ZNF804A: variants seen among roughly 807,000 people sequenced by gnomAD.
ZNF804A encodes zinc finger protein 804A.
ZNF804A carries 2 observed loss-of-function variants against 16.5 expected under a neutral mutation model. That is an observed-to-expected ratio of 0.12 (90% CI 0.05 to 0.38). The LOEUF (loss-of-function observed/expected upper bound fraction) is 0.38. Among genes scored for constraint, ZNF804A ranks in the 10% least tolerant of loss-of-function variants. ZNF804A has a pLI of 0.99. For missense variants in ZNF804A, 1,473 were observed against 1,390.7 expected (o/e 1.06, Z -0.94); for synonymous variants, 534 against 489.6 (o/e 1.09, Z -1.20).
intron 1 of ZNF804A, among the ~76,000 whole-genome samples, chr2:184,820,594 G>T (rs1427313635): frequency 6.6e-6 from 1 of 152,012 alleles, no homozygotes; most frequent in Non-Finnish European, 1.5e-5. Context: ...AAGAAATAAA[G>T]CATGTTCAAA....
At chr2:184,695,037 C>T (rs1692804297) in intron 1 of ZNF804A, among the ~76,000 whole-genome samples, 1 of 152,206 alleles carries the variant, frequency 6.6e-6, no homozygotes, top group African/African-American at 2.4e-5. Flanking sequence ...GGGAAATAAC[C>T]TGGATGGGCG....
intron 1 of ZNF804A, among the ~76,000 whole-genome samples, chr2:184,688,073 C>T (rs1430199362): frequency 6.6e-6 from 1 of 152,116 alleles, no homozygotes; most frequent in African/African-American, 2.4e-5. Flanking sequence ...GAGCCGAAAT[C>T]GTACCACTGC....
At chr2:184,615,449 A>C (rs995884460) in intron 1 of ZNF804A, among the ~76,000 whole-genome samples, 53 of 152,212 alleles carry the variant, frequency 3.5e-4, no homozygotes, top group Non-Finnish European at 3.8e-4. Flanking sequence ...TCCTGGCATT[A>C]TTAATAATGA....
chr2:184,613,046 G>A (rs1166155625), intron 1 of ZNF804A, among the ~76,000 whole-genome samples: 1 of 152,208 alleles, frequency 6.6e-6, no homozygotes, highest in Non-Finnish European at 1.5e-5. Flanking sequence ...GATGTTGTAT[G>A]AACAATTATT....
At chr2:184,892,870 G>A (rs369210232) in intron 2 of ZNF804A, among the ~76,000 whole-genome samples, 3 of 151,886 alleles carry the variant, frequency 2.0e-5, no homozygotes, top group Admixed American at 2.0e-4. Flanking sequence ...AATTCTGCCT[G>A]GTTGTATTTA....
chr2:184,604,464 C>T lies in ZNF804A; in HGVS notation c.111+5394C>T, dbSNP rs1691109291. ...CTGGGATTACAGGCGTGAGCCACCG[C>T]GCTCGGCCACATTTTTAATGAAAAT... On this transcript the variant is annotated intron_variant, in intron 1 of 3. Transcript: ENST00000302277. Among the ~76,000 whole-genome samples the T allele has an allele frequency of 2.6e-5, 4 of 151,962 alleles. 1 individual carries two copies. In the South Asian group the frequency reaches 6.2e-4, roughly 24 times the overall value.
At chr2:184,753,498 C>G (rs1693908016) in intron 1 of ZNF804A, among the ~76,000 whole-genome samples, 1 of 151,700 alleles carries the variant, frequency 6.6e-6, no homozygotes, top group Non-Finnish European at 1.5e-5. Context: ...TCAAAAACAG[C>G]TAAATATTAA....
At chr2:184,685,852 C>T (rs996585198) in intron 1 of ZNF804A, among the ~76,000 whole-genome samples, 3 of 152,172 alleles carry the variant, frequency 2.0e-5, no homozygotes, top group African/African-American at 7.2e-5. Context: ...ACCTGTCTAC[C>T]CTCCACCATC....
At chr2:184,905,767 G>C (rs1026838450) in intron 2 of ZNF804A, among the ~76,000 whole-genome samples, 2 of 152,034 alleles carry the variant, frequency 1.3e-5, no homozygotes, top group African/African-American at 4.8e-5. Context: ...TAGAGAAAAT[G>C]GTCACCTCTA....
rs146654119 is a variant in ZNF804A at position 184,724,160 on chromosome 2, T to C, written c.111+125090T>C. Among the ~76,000 whole-genome samples, 33 of 151,832 alleles carry C rather than the reference T, an allele frequency of 2.2e-4. No individual in the cohort carries two copies. In the East Asian group the frequency reaches 5.8e-3, roughly 27 times the overall value. ...GCTATGCACCAGGAAAAGGCCATTG[T>C]AATCCTGCTTCAAGCAGCTGGTAGT... On this transcript the variant is annotated intron_variant, in intron 1 of 3. Transcript: ENST00000302277.
intron 1 of ZNF804A, among the ~76,000 whole-genome samples, chr2:184,620,551 C>T (rs1691401226): frequency 6.6e-6 from 1 of 151,724 alleles, no homozygotes. Context: ...AGGGTAGTAA[C>T]AGGATATGAT....
At chr2:184,640,180 A>T (rs1691771538) in intron 1 of ZNF804A, among the ~76,000 whole-genome samples, 2 of 152,038 alleles carry the variant, frequency 1.3e-5, no homozygotes, top group East Asian at 3.9e-4. Context: ...ACCAAAGAAA[A>T]AAAAGAAGTA....
At chr2:184,664,668 A>C (rs1026188932) in intron 1 of ZNF804A, among the ~76,000 whole-genome samples, 3 of 152,194 alleles carry the variant, frequency 2.0e-5, no homozygotes, top group Non-Finnish European at 4.4e-5. Flanking sequence ...TGCATCATGC[A>C]GAGAAGAATA....
chr2:184,785,029 A>C (rs553673613), intron 1 of ZNF804A, among the ~76,000 whole-genome samples: 1 of 152,048 alleles, frequency 6.6e-6, no homozygotes, highest in Non-Finnish European at 1.5e-5. Context: ...TATGCATGAT[A>C]CGTATGTAAA....
intron 1 of ZNF804A, among the ~76,000 whole-genome samples, chr2:184,847,575 C>T (rs1695539813): frequency 6.6e-6 from 1 of 152,024 alleles, no homozygotes; most frequent in Non-Finnish European, 1.5e-5. Context: ...ATTAGTACTG[C>T]CAGGATGTAT....
At chr2:184,630,559 C>A (rs915359312) in intron 1 of ZNF804A, among the ~76,000 whole-genome samples, 3 of 152,022 alleles carry the variant, frequency 2.0e-5, no homozygotes, top group African/African-American at 7.2e-5. Flanking sequence ...AAGAGTGTTC[C>A]ACTTCTAAAT....
chr2:184,683,124 A>G (rs1047251533), intron 1 of ZNF804A, among the ~76,000 whole-genome samples: 6 of 152,118 alleles, frequency 3.9e-5, no homozygotes, highest in Admixed American at 2.0e-4. Flanking sequence ...TGCAGTATCT[A>G]TTTTATCTAA....
intron 1 of ZNF804A, 105 bp from the exon 2 acceptor site, chr2:184,866,243 CTTTCTTTTTCTCTTTGCTGTA>C: frequency 1.3e-6 from 1 of 754,752 alleles, no homozygotes; most frequent in Non-Finnish European, 2.0e-6. Context: ...CTAGTATTTG[CTTTCTTTTTCTCTTTGCTGTA>C]TTCTGTTTCT....
chr2:184,658,919 T>C (rs1245429363), intron 1 of ZNF804A, among the ~76,000 whole-genome samples: 3 of 152,186 alleles, frequency 2.0e-5, no homozygotes, highest in Non-Finnish European at 4.4e-5. Context: ...AGAGAGGAGC[T>C]ATATATGACC....
Sources: allele counts gnomAD v4.1 joint callset (sites outside exome capture counted in the v4.1 genomes callset), GRCh38; gene constraint gnomAD v4.1.1; transcripts MANE v1.5; gene names NCBI Gene and HGNC (gene_info 2026-07-23, HGNC 2026-07-21).